Variants in MB21D2 observed in about 807,000 individuals in gnomAD.
MB21D2 encodes the protein Mab-21 domain containing 2, also known as nucleotidyltransferase MB21D2.
Under a neutral mutation model 33.3 loss-of-function variants are expected in MB21D2, and 9 were observed. That is an observed-to-expected ratio of 0.27 (90% CI 0.16 to 0.47). The LOEUF (loss-of-function observed/expected upper bound fraction) is 0.47, where lower values mean the gene tolerates loss of function less well. MB21D2 is among the 20% of genes least tolerant of loss of function. MB21D2 has a pLI of 0.99. For missense variants in MB21D2, 540 were observed against 624.6 expected, an observed-to-expected ratio of 0.86 and a Z score of 1.44; for synonymous variants, 241 against 236.3, an observed-to-expected ratio of 1.02 and a Z score of -0.18.
intron 1 of MB21D2, among the ~76,000 whole-genome samples, chr3:192,822,376 C>A (rs1241148919): frequency 6.6e-6 from 1 of 152,156 alleles, no homozygotes; most frequent in East Asian, 1.9e-4. Flanking sequence ...ACCTCAGATA[C>A]CAGTCTCAAC....
intron 1 of MB21D2, among the ~76,000 whole-genome samples, chr3:192,871,964 T>G (rs1314046641): frequency 6.6e-6 from 1 of 152,176 alleles, no homozygotes; most frequent in African/African-American, 2.4e-5. Flanking sequence ...AAACCACCGG[T>G]GCAGTAGATG....
chr3:192,903,718 G>A (rs1714149428), intron 1 of MB21D2, among the ~76,000 whole-genome samples: 1 of 152,210 alleles, frequency 6.6e-6, no homozygotes, highest in South Asian at 2.1e-4. Context: ...GGTGGGAGGT[G>A]TCTGGATCAT....
chr3:192,856,412 T>TAAGGAGAAATAAGGA (rs1316027964), intron 1 of MB21D2, among the ~76,000 whole-genome samples: 24 of 152,172 alleles, frequency 1.6e-4, no homozygotes, highest in Non-Finnish European at 3.2e-4. Context: ...CTGATTGCTA[T>TAAGGAGAAATAAGGA]AAGGAGAAAT....
At chr3:192,860,914 A>C (rs1713027254) in intron 1 of MB21D2, among the ~76,000 whole-genome samples, 1 of 152,234 alleles carries the variant, frequency 6.6e-6, no homozygotes, top group African/African-American at 2.4e-5. Context: ...TGAGAAAATA[A>C]ATAACATAAG....
chr3:192,853,957 C>T (rs921049417), intron 1 of MB21D2, among the ~76,000 whole-genome samples: 1 of 152,184 alleles, frequency 6.6e-6, no homozygotes, highest in African/African-American at 2.4e-5. Flanking sequence ...TGTGTTCTGA[C>T]TGCTCCACAA....
intron 1 of MB21D2, among the ~76,000 whole-genome samples, chr3:192,857,455 A>T (rs963153452): frequency 6.6e-5 from 10 of 152,234 alleles, no homozygotes; most frequent in Non-Finnish European, 1.3e-4. Flanking sequence ...ATTTCTAAAC[A>T]GGCATCTCCA....
intron 1 of MB21D2, among the ~76,000 whole-genome samples, chr3:192,829,688 A>T (rs1279062839): frequency 6.6e-6 from 1 of 151,558 alleles, no homozygotes; most frequent in East Asian, 1.9e-4. Flanking sequence ...TGCAGTCTAG[A>T]GCATTCTTCT....
intron 1 of MB21D2, among the ~76,000 whole-genome samples, chr3:192,806,389 G>T (rs551427774): frequency 6.6e-6 from 1 of 152,216 alleles, no homozygotes; most frequent in Admixed American, 6.5e-5. Flanking sequence ...GTATAAGTGG[G>T]TTTCATATCC....
At chr3:192,805,959 A>G (rs973715268) in intron 1 of MB21D2, among the ~76,000 whole-genome samples, 1 of 152,210 alleles carries the variant, frequency 6.6e-6, no homozygotes, top group South Asian at 2.1e-4. Context: ...AGCACATGCA[A>G]GGCACACAAA....
chr3:192,900,940 C>CAAA (rs5855467), intron 1 of MB21D2, among the ~76,000 whole-genome samples: 2 of 140,656 alleles, frequency 1.4e-5, no homozygotes, highest in Non-Finnish European at 1.5e-5. Context: ...GACTCTGTCT[C>CAAA]AAAAAAAAAA....
chr3:192,816,930 T>C (rs1291722797), intron 1 of MB21D2, among the ~76,000 whole-genome samples: 2 of 152,160 alleles, frequency 1.3e-5, no homozygotes, highest in Non-Finnish European at 2.9e-5. Context: ...GGACACTTAA[T>C]TGAAACAGTT....
intron 1 of MB21D2, among the ~76,000 whole-genome samples, chr3:192,801,910 A>G (rs1470747451): frequency 6.6e-6 from 1 of 152,206 alleles, no homozygotes; most frequent in African/African-American, 2.4e-5. Flanking sequence ...TTCTTTACAC[A>G]CAGAAATATG....
chr3:192,862,892 C>T lies in MB21D2; in HGVS notation c.211+54738G>A, dbSNP rs779407408. Among the ~76,000 whole-genome samples the T allele has an allele frequency of 2.8e-4, 43 of 152,286 alleles. No homozygotes were observed. In the Middle Eastern group the frequency reaches 0.01, roughly 36 times the overall value. On this transcript the variant is annotated intron_variant, in intron 1 of 1. Coordinates refer to ENST00000392452, the MANE Select transcript of MB21D2 (RefSeq NM_178496.4). Reference sequence around the variant, plus strand: ...AGATTCCGTGCCTGGGGGAGGCTTGCGCTCTGCCTCAAAAAATGGTGCCCT... The same window carrying T: ...AGATTCCGTGCCTGGGGGAGGCTTGTGCTCTGCCTCAAAAAATGGTGCCCT...
chr3:192,879,865 A>C (rs1004489122), intron 1 of MB21D2, among the ~76,000 whole-genome samples: 1 of 152,190 alleles, frequency 6.6e-6, no homozygotes, highest in Admixed American at 6.5e-5. Flanking sequence ...ACCTTGCCCA[A>C]GGCCAAATTC....
At chr3:192,889,872 C>T (rs1012122708) in intron 1 of MB21D2, among the ~76,000 whole-genome samples, 1 of 152,032 alleles carries the variant, frequency 6.6e-6, no homozygotes, top group Non-Finnish European at 1.5e-5. Flanking sequence ...TGAACACCCA[C>T]ATCCAGAGTC....
At chr3:192,904,529 C>T (rs1437389982) in intron 1 of MB21D2, among the ~76,000 whole-genome samples, 1 of 151,558 alleles carries the variant, frequency 6.6e-6, no homozygotes, top group African/African-American at 2.4e-5. Flanking sequence ...CCCTTGGCTG[C>T]GGTTCTTAAA....
Position 192,796,864 on chromosome 3 carries a change from A to G in MB21D2, c.*1522T>C, listed in dbSNP as rs950203586. 2 of 152,500 alleles carry G rather than the reference A, an allele frequency of 1.3e-5. No homozygotes were observed. Among genetic ancestry groups the G allele is most frequent in the Non-Finnish European group, 2.9e-5 (2 of 68,026 alleles). 9.4% of individuals were successfully genotyped at this position (152,500 alleles called of 1,614,324 possible). On this transcript the variant is annotated 3_prime_UTR_variant, in exon 2 of 2. Coordinates refer to ENST00000392452, the MANE Select transcript of MB21D2 (RefSeq NM_178496.4). Reference sequence around the variant, plus strand: ...TTTATTATTTTTGTGTTTGACTTAGATGGTTGAAATGTTTTCATTTTTCAT... The same window carrying G: ...TTTATTATTTTTGTGTTTGACTTAGGTGGTTGAAATGTTTTCATTTTTCAT...
chr3:192,879,858 T>C (rs917614513), intron 1 of MB21D2, among the ~76,000 whole-genome samples: 2 of 152,156 alleles, frequency 1.3e-5, no homozygotes, highest in East Asian at 1.9e-4. Context: ...CTTCAGCACC[T>C]TGCCCAAGGC....
intron 1 of MB21D2, among the ~76,000 whole-genome samples, chr3:192,824,019 A>C (rs750693251): frequency 2.0e-5 from 3 of 152,210 alleles, no homozygotes; most frequent in Non-Finnish European, 4.4e-5. Flanking sequence ...GACAATGTCT[A>C]GTTTTGTAAT....
Sources: allele counts gnomAD v4.1 joint callset (sites outside exome capture counted in the v4.1 genomes callset), GRCh38; gene constraint gnomAD v4.1.1; transcripts MANE v1.5; gene names NCBI Gene and HGNC (gene_info 2026-07-23, HGNC 2026-07-21).